Variants in SYNC observed in about 807,000 individuals in gnomAD.
The protein encoded by SYNC is syncoilin.
A neutral mutation model predicts 49.5 loss-of-function variants in SYNC; 38 were observed. That is an observed-to-expected ratio of 0.77 (90% CI 0.59 to 1.01). SYNC has a LOEUF of 1.01. Among genes scored for constraint, SYNC ranks in the 50% least tolerant of loss-of-function variants. The pLI is 0.00. For missense variants in SYNC, 579 were observed against 580.6 expected (o/e 1.00, Z 0.03); for synonymous variants, 201 against 230.8 (o/e 0.87, Z 1.17).
intron 2 of SYNC, among the ~76,000 whole-genome samples, chr1:32,689,239 T>TTTTTTTTTG (rs1650043792): frequency 3.1e-5 from 2 of 65,258 alleles, no homozygotes; most frequent in Non-Finnish European, 5.6e-5. Flanking sequence ...CCTGGCCTTT[T>TTTTTTTTTG]TTTTTTTTTT....
chr1:32,695,195 C>T lies in SYNC; in HGVS notation c.903G>A (p.Gln301=), dbSNP rs780838854. ...LRDAYQKQKE[Q]LRQQLEAPPS... is the part of the protein sequence containing the mutation. ...GAGGGGCTTCTAGTTGTTGCCGCAG[C>T]TGCTCCTTCTGCTTCTGATAGGCAT... is the stretch of plus-strand genomic sequence containing the variant. The change falls in exon 2 of 5, where the codon CAG becomes CAA. Residue 301 remains glutamine, a synonymous_variant. Transcript: ENST00000409190. The T allele has an allele frequency of 5.1e-6, 8 of 1,559,070 alleles. No homozygotes were observed. In the South Asian group the frequency reaches 9.3e-5, roughly 18 times the overall value.
intron 1 of SYNC, among the ~76,000 whole-genome samples, chr1:32,697,337 G>C (rs1350953492): frequency 6.6e-6 from 1 of 151,516 alleles, no homozygotes; most frequent in Non-Finnish European, 1.5e-5. Flanking sequence ...GATACTCACT[G>C]AGGCAGGAGA....
In SYNC at chr1:32,695,875, C is replaced by G. The variant is rs757092104; in HGVS notation, c.223G>C (p.Glu75Gln). The G allele has an allele frequency of 6.4e-6, 10 of 1,552,138 alleles. No individual in the cohort carries two copies. In the South Asian group the frequency reaches 1.2e-4, roughly 18 times the overall value. ...GDLDETLYVQ[E>Q]TEKAEEALYI... Reference sequence around the variant, plus strand: ...AGGGCCTCCTCTGCCTTCTCAGTCTCTTGCACATAGAGTGTCTCATCAAGG... The same window carrying G: ...AGGGCCTCCTCTGCCTTCTCAGTCTGTTGCACATAGAGTGTCTCATCAAGG... The change falls in exon 2 of 5, where the codon GAG becomes CAG. Residue 75 changes from glutamate to glutamine, a missense_variant. Coordinates refer to ENST00000409190, the MANE Select transcript of SYNC (RefSeq NM_030786.3).
chr1:32,680,357 GTTTTT>G lies in SYNC; in HGVS notation c.*1488_*1492del, dbSNP rs372285843. On this transcript the variant is annotated 3_prime_UTR_variant, in exon 5 of 5. Coordinates refer to ENST00000409190, the MANE Select transcript of SYNC (RefSeq NM_030786.3). Reference sequence around the variant, plus strand: ...AATGGTGTTTTTTTTTTTGTTGTTGGTTTTTTTTTTTTTTTTTTTAACTTGGGACC... The same window carrying G: ...AATGGTGTTTTTTTTTTTGTTGTTGGTTTTTTTTTTTTTTAACTTGGGACC... 3.1e-5 allele frequency: 31 copies of G among 988,020 alleles called. No individual in the cohort carries two copies. The highest frequency in any genetic ancestry group is 1.4e-4 in the East Asian group (2 of 14,776). The allele number at this position is 988,020 out of a possible 1,614,324, so 61.2% of individuals were successfully genotyped here.
In SYNC at chr1:32,702,708, G is replaced by T; in HGVS notation, c.-48C>A. On this transcript the variant is annotated 5_prime_UTR_variant, in exon 1 of 5. Coordinates refer to ENST00000409190, the MANE Select transcript of SYNC (RefSeq NM_030786.3). This position sits in a 1 kb window ranked among gnomAD's most constrained non-coding sequence, Gnocchi z 6.2. The stretch of plus-strand genomic sequence containing the variant: ...GGCCGCGTTATTAATAGCCGGGCCC[G>T]CGGGCCCCTCGCTCCGGCGCCCGCG... 2.7e-6 allele frequency: 3 copies of T among 1,131,640 alleles called. No homozygotes were observed. Among genetic ancestry groups the T allele is most frequent in the Non-Finnish European group, 3.2e-6 (3 of 924,288 alleles). 70.1% of individuals were successfully genotyped at this position (1,131,640 alleles called of 1,614,324 possible). A position where few individuals can be genotyped will look rare whatever the true frequency, so the allele number is the denominator to read the frequency against.
intron 1 of SYNC, among the ~76,000 whole-genome samples, chr1:32,698,257 G>T (rs1021890328): frequency 1.4e-5 from 2 of 147,910 alleles, no homozygotes; most frequent in Non-Finnish European, 3.0e-5. Flanking sequence ...GGTGGCTCAC[G>T]CCTGTAATCC....
At chr1:32,696,237 G>T (rs1408294572) in intron 1 of SYNC, among the ~76,000 whole-genome samples, 193 bp from the exon 2 acceptor site, 1 of 128,106 alleles carries the variant, frequency 7.8e-6, no homozygotes, top group Non-Finnish European at 1.7e-5. Flanking sequence ...GCATCCCAGC[G>T]ACATCACCAT....
chr1:32,683,795 G>T lies in SYNC; in HGVS notation c.1438+215C>A, dbSNP rs142023333. 132 of 512,848 alleles carry T rather than the reference G, an allele frequency of 2.6e-4. 1 individual carries two copies. Among genetic ancestry groups the T allele is most frequent in the African/African-American group, 1.9e-3 (100 of 51,764 alleles). The allele number at this position is 512,848 out of a possible 1,614,324, so 31.8% of individuals were successfully genotyped here. A position where few individuals can be genotyped will look rare whatever the true frequency, so the allele number is the denominator to read the frequency against. On this transcript the variant is annotated intron_variant, in intron 4 of 4. Coordinates refer to ENST00000409190, the MANE Select transcript of SYNC (RefSeq NM_030786.3). ...TTATAAGTGCCTGCCACTATGCCCGGCTAATTTTTGTATTTTTAGTGGAGA... is the reference window on the plus strand; with the variant it reads ...TTATAAGTGCCTGCCACTATGCCCGTCTAATTTTTGTATTTTTAGTGGAGA...
At chr1:32,682,072 T>C (rs1417462374) in intron 4 of SYNC, 1 of 551,114 alleles carries the variant, frequency 1.8e-6, no homozygotes. Flanking sequence ...TAGGTTAACT[T>C]CTTACAGGTA....
At chr1:32,694,621 T>G (rs1237961204) in intron 2 of SYNC, among the ~76,000 whole-genome samples, 1 of 150,572 alleles carries the variant, frequency 6.6e-6, no homozygotes, top group African/African-American at 2.5e-5. Context: ...ACCACTGCAC[T>G]CTAGCCTGGG....
intron 2 of SYNC, among the ~76,000 whole-genome samples, chr1:32,686,758 A>G (rs888365502): frequency 6.6e-6 from 1 of 151,882 alleles, no homozygotes; most frequent in South Asian, 2.1e-4. Context: ...TATTAATCTC[A>G]TGTTTCATGT....
At chr1:32,690,140 A>G (rs1650091153) in intron 2 of SYNC, among the ~76,000 whole-genome samples, 3 of 152,130 alleles carry the variant, frequency 2.0e-5, no homozygotes, top group Non-Finnish European at 4.4e-5. Flanking sequence ...GCAACTCGGG[A>G]GGCTGAGGCA....
chr1:32,699,847 C>T (rs907652841), intron 1 of SYNC, among the ~76,000 whole-genome samples: 2 of 151,732 alleles, frequency 1.3e-5, no homozygotes, highest in Non-Finnish European at 2.9e-5. Context: ...AATTCTCTAC[C>T]TCAGCCTCCC....
Position 32,702,707 on chromosome 1 carries a change from C to T in SYNC, c.-47G>A, listed in dbSNP as rs1650717522. On this transcript the variant is annotated 5_prime_UTR_variant, in exon 1 of 5. Transcript: ENST00000409190. This position sits in a 1 kb window ranked among gnomAD's most constrained non-coding sequence, Gnocchi z 6.2. Reference sequence around the variant, plus strand: ...CGGCCGCGTTATTAATAGCCGGGCCCGCGGGCCCCTCGCTCCGGCGCCCGC... The same window carrying T: ...CGGCCGCGTTATTAATAGCCGGGCCTGCGGGCCCCTCGCTCCGGCGCCCGC... 10 of 1,133,792 alleles carry T rather than the reference C, an allele frequency of 8.8e-6. No individual in the cohort carries two copies. Among genetic ancestry groups the T allele is most frequent in the East Asian group, 4.6e-5 (1 of 21,942 alleles). 70.2% of individuals were successfully genotyped at this position (1,133,792 alleles called of 1,614,324 possible). A position where few individuals can be genotyped will look rare whatever the true frequency, so the allele number is the denominator to read the frequency against.
chr1:32,685,660 G>A (rs1459454557), intron 2 of SYNC: 3 of 152,194 alleles, frequency 2.0e-5, no homozygotes, highest in Non-Finnish European at 2.9e-5. Flanking sequence ...CTAAGAGTGT[G>A]TCATCTGAAG....
In SYNC at chr1:32,696,039, G is replaced by T; in HGVS notation, c.59C>A (p.Thr20Lys). ...AAGAGGAGAATTGGCCTCTACTCTTGTTTTCCTGCAAAAGAAATGATTGAA... is the reference window on the plus strand; with the variant it reads ...AAGAGGAGAATTGGCCTCTACTCTTTTTTTCCTGCAAAAGAAATGATTGAA... Reference protein sequence around the residue: ...GDGAAQAARKTRVEANSPLPK... With the variant: ...GDGAAQAARKKRVEANSPLPK... The change falls in exon 2 of 5, where the codon ACA (threonine) becomes AAA (lysine). Residue 20 changes from threonine to lysine, a missense_variant. Coordinates refer to ENST00000409190, the MANE Select transcript of SYNC (RefSeq NM_030786.3). 1 of 1,533,510 alleles carries T rather than the reference G, an allele frequency of 6.5e-7. No homozygotes were observed. Among genetic ancestry groups the T allele is most frequent in the South Asian group, 1.2e-5 (1 of 83,832 alleles). The allele number at this position is 1,533,510 out of a possible 1,614,324, so 95.0% of individuals were successfully genotyped here.
intron 2 of SYNC, among the ~76,000 whole-genome samples, chr1:32,690,174 TAGAG>T (rs1057431620): frequency 1.1e-4 from 17 of 152,004 alleles, no homozygotes; most frequent in African/African-American, 3.4e-4. Context: ...TTCCTCTCAA[TAGAG>T]AAAGATTCAT....
At chr1:32,682,475 A>G (rs1557865927) in intron 4 of SYNC, 1 of 152,238 alleles carries the variant, frequency 6.6e-6, no homozygotes, top group Admixed American at 6.5e-5. Context: ...AGAAAAAGCA[A>G]CAATAGTTAC....
chr1:32,682,939 A>C (rs1433815491), intron 4 of SYNC: 1 of 152,074 alleles, frequency 6.6e-6, no homozygotes, highest in Non-Finnish European at 1.5e-5. Context: ...AGGGATCCTG[A>C]GTAGGTGATT....
Sources: gnomAD v4.1 joint callset for allele counts (sites outside exome capture counted in the v4.1 genomes callset) on GRCh38, gnomAD v4.1.1 for gene constraint, Gnocchi (gnomAD v3.1) non-coding constraint, MANE v1.5 for transcripts, NCBI Gene and HGNC (gene_info 2026-07-23, HGNC 2026-07-21) for gene names.